TEX9: variants seen among roughly 807,000 people sequenced by gnomAD.
The protein encoded by TEX9 is testis-expressed protein 9.
A neutral mutation model predicts 59.6 loss-of-function variants in TEX9; 74 were observed. The observed-to-expected ratio is 1.24, with a 90% CI of 1.03 to 1.51. The LOEUF (loss-of-function observed/expected upper bound fraction) is 1.51, where lower values mean the gene tolerates loss of function less well. TEX9 is among the 40% of genes most tolerant of loss of function. TEX9 has a pLI of 0.00. For missense variants in TEX9, 522 were observed against 447.8 expected (o/e 1.17, Z -1.49); for synonymous variants, 186 against 152.2 (o/e 1.22, Z -1.64).
chr15:56,251,332 C>A (rs1421604358), intron 1 of TEX9, among the ~76,000 whole-genome samples: 2 of 152,106 alleles, frequency 1.3e-5, no homozygotes, highest in Non-Finnish European at 2.9e-5. Context: ...CACAGTCACC[C>A]TCCAAGCCTG....
rs529796666 is a variant in TEX9, at chr15:56,310,509, C to T, written c.-106-62932C>T. Among the ~76,000 whole-genome samples, 10 of 152,272 alleles carry T rather than the reference C, an allele frequency of 6.6e-5. No homozygotes were observed. The South Asian group carries it at 1.9e-3, about 28-fold the overall frequency. ...TTTCTAGGCCAAGGTTGAGGCCTAG[C>T]GAAGAAGAGGGCTCAGAGGAGCCAA... On this transcript the variant is annotated intron_variant, in intron 1 of 5. Transcript: ENST00000560827.
intron 1 of TEX9, among the ~76,000 whole-genome samples, chr15:56,262,777 C>T (rs1007743064): frequency 1.2e-4 from 18 of 152,220 alleles, no homozygotes; most frequent in African/African-American, 4.1e-4. Flanking sequence ...TTACTTGATA[C>T]TAGGTTACTA....
the TEX9 span, among the ~76,000 whole-genome samples, chr15:56,460,003 A>ATATATATATATATATATAT: frequency 7.3e-4 from 24 of 32,844 alleles, 2 homozygotes; most frequent in African/African-American, 2.7e-3. Flanking sequence ...AAAAAAAAAA[A>ATATATATATATATATATAT]AAAAAAATAC....
chr15:56,412,459 T>C, intron 10 of TEX9, 23 bp downstream of exon 10: 1 of 1,590,094 alleles, frequency 6.3e-7, no homozygotes, highest in Non-Finnish European at 8.5e-7. Context: ...TGAATAGCTT[T>C]TGTAGTGATC....
At chr15:56,348,874 A>G (rs2046522081) in intron 1 of TEX9, among the ~76,000 whole-genome samples, 1 of 151,998 alleles carries the variant, frequency 6.6e-6, no homozygotes, top group Admixed American at 6.6e-5. Flanking sequence ...TGTTACATAC[A>G]TTAGAATTAC....
At chr15:56,388,637 C>T in intron 5 of TEX9, 117 bp downstream of exon 5, 2 of 753,480 alleles carry the variant, frequency 2.7e-6, no homozygotes, top group Non-Finnish European at 4.4e-6. Flanking sequence ...AGAATATGAA[C>T]CTTGATACTC....
At chr15:56,302,320 TAC>T (rs56766153) in intron 1 of TEX9, among the ~76,000 whole-genome samples, 16,178 of 135,522 alleles carry the variant, frequency 0.12, 925 homozygotes, top group African/African-American at 0.13. Context: ...AGACACTGTT[TAC>T]ACACACACAC....
chr15:56,253,199 A>G (rs1347353479), intron 1 of TEX9, among the ~76,000 whole-genome samples: 5 of 152,190 alleles, frequency 3.3e-5, no homozygotes, highest in Non-Finnish European at 2.9e-5. Flanking sequence ...ACAGAAGGAC[A>G]TTCAAACTCT....
chr15:56,277,388 G>T (rs1195133445), intron 1 of TEX9, among the ~76,000 whole-genome samples: 1 of 152,058 alleles, frequency 6.6e-6, no homozygotes, highest in Non-Finnish European at 1.5e-5. Context: ...TGTTTTCTGT[G>T]TATGGCTAGC....
chr15:56,276,837 C>T (rs2044679734), intron 1 of TEX9, among the ~76,000 whole-genome samples: 1 of 152,058 alleles, frequency 6.6e-6, no homozygotes, highest in African/African-American at 2.4e-5. Context: ...TTGCCAGCAT[C>T]TGTTGCTTCC....
At chr15:56,429,178 C>T in intron 12 of TEX9, 1 of 1,592,686 alleles carries the variant, frequency 6.3e-7, no homozygotes, top group Non-Finnish European at 8.5e-7. Context: ...ATATCATCCT[C>T]TTTTTTAAAT....
chr15:56,443,465 C>T, intron 12 of TEX9: 1 of 1,594,326 alleles, frequency 6.3e-7, no homozygotes, highest in Non-Finnish European at 8.5e-7. Context: ...GCTTGTTCTT[C>T]CTGGTATAAT....
At chr15:56,284,375 T>C (rs74905064) in intron 1 of TEX9, among the ~76,000 whole-genome samples, 2,390 of 152,292 alleles carry the variant, frequency 0.016, 86 homozygotes, top group East Asian at 0.13. Flanking sequence ...TAAAATATCC[T>C]TTCAAAGGGT....
At position 56,441,087 on chromosome 15, in the gene TEX9, G is replaced by C. The variant is rs539733510; in HGVS notation, c.*30-4584G>C. Among the ~76,000 whole-genome samples the C allele has an allele frequency of 2.6e-5, 4 of 151,990 alleles. No individual in the cohort carries two copies. In the South Asian group the frequency reaches 8.3e-4, roughly 32 times the overall value. Reference sequence around the variant, plus strand: ...CACATATTTTGGAATGCTGTTTTTTGAATCATTTAGTTTGAAATATTTTTC... The same window carrying C: ...CACATATTTTGGAATGCTGTTTTTTCAATCATTTAGTTTGAAATATTTTTC... On this transcript the variant is annotated intron_variant, in intron 12 of 12. Coordinates refer to ENST00000352903, the Ensembl canonical transcript of TEX9.
Position 56,358,673 on chromosome 15 carries a change from A to G in TEX9, c.-106-14768A>G, listed in dbSNP as rs1460660617. On this transcript the variant is annotated intron_variant, in intron 1 of 5. Coordinates refer to the TEX9 transcript ENST00000560827. ...CTTTTCCTATTCTAGGGTTTGGTCC[A>G]GTATGTCACTGATATGGTTAGGCTT... is the stretch of plus-strand genomic sequence containing the variant. 3.3e-5 allele frequency among the ~76,000 whole-genome samples: 5 copies of G among 152,220 alleles called. No individual in the cohort carries two copies. In the South Asian group the frequency reaches 6.2e-4, roughly 19 times the overall value.
intron 1 of TEX9, among the ~76,000 whole-genome samples, chr15:56,339,383 CAAA>C (rs71456382): frequency 5.2e-4 from 16 of 30,758 alleles, no homozygotes; most frequent in Admixed American, 1.8e-3. Flanking sequence ...ACTCCTTCTC[CAAA>C]AAAAAAAAAA....
At chr15:56,248,563 C>T (rs557403504) in intron 1 of TEX9, among the ~76,000 whole-genome samples, 24 of 152,248 alleles carry the variant, frequency 1.6e-4, no homozygotes, top group African/African-American at 4.3e-4. Flanking sequence ...TGCTAGATCC[C>T]GCTTTGATTT....
chr15:56,432,700 T>G (rs2050628948), intron 12 of TEX9, among the ~76,000 whole-genome samples: 1 of 152,214 alleles, frequency 6.6e-6, no homozygotes, highest in Non-Finnish European at 1.5e-5. Context: ...TGCTAACTTT[T>G]CCAGGAGCTT....
intron 12 of TEX9, chr15:56,431,423 G>C: frequency 6.2e-7 from 1 of 1,613,384 alleles, no homozygotes; most frequent in Non-Finnish European, 8.5e-7. Context: ...AGAAGTTTTA[G>C]CCTTTCTTCT....
Sources: gnomAD v4.1 joint callset for allele counts (sites outside exome capture counted in the v4.1 genomes callset) on GRCh38, gnomAD v4.1.1 for gene constraint, MANE v1.5 for transcripts, NCBI Gene and HGNC (gene_info 2026-07-23, HGNC 2026-07-21) for gene names.